Variants in MMS22L observed in about 807,000 individuals in gnomAD.
MMS22L encodes protein MMS22-like.
A neutral mutation model predicts 159.1 loss-of-function variants in MMS22L; 74 were observed. That is an observed-to-expected ratio of 0.47 (90% confidence interval 0.39 to 0.56). The LOEUF (loss-of-function observed/expected upper bound fraction) is 0.56, where lower values mean the gene tolerates loss of function less well. Ranked by LOEUF, MMS22L falls within the 20% of genes least tolerant of loss-of-function variation. The pLI is 0.00. For missense variants in MMS22L, 1,351 were observed against 1,422.1 expected, an observed-to-expected ratio of 0.95 and a Z score of 0.80; for synonymous variants, 517 against 506.9, an observed-to-expected ratio of 1.02 and a Z score of -0.27.
intron 19 of MMS22L, among the ~76,000 whole-genome samples, chr6:97,169,019 T>A (rs868509675): frequency 6.6e-6 from 1 of 152,136 alleles, no homozygotes; most frequent in South Asian, 2.1e-4. Context: ...GCAACAGAAG[T>A]ATAATTAAAT....
chr6:97,229,531 G>A (rs1810630366), intron 13 of MMS22L, 128 bp from the exon 14 acceptor site: 2 of 691,010 alleles, frequency 2.9e-6, no homozygotes, highest in Non-Finnish European at 4.6e-6. Flanking sequence ...TTATTTTGAT[G>A]CTGCCTTGTC....
intron 14 of MMS22L, among the ~76,000 whole-genome samples, chr6:97,192,943 A>G (rs971055622): frequency 2.0e-5 from 3 of 152,186 alleles, no homozygotes; most frequent in African/African-American, 7.2e-5. Flanking sequence ...CAGGATTTGA[A>G]CCCAAACAGT....
At chr6:97,223,776 C>T (rs540513624) in intron 14 of MMS22L, among the ~76,000 whole-genome samples, 9 of 152,156 alleles carry the variant, frequency 5.9e-5, no homozygotes, top group African/African-American at 1.9e-4. Flanking sequence ...CTTGGAAATG[C>T]TAAAAACTGA....
chr6:97,171,233 G>A (rs1222326368), intron 19 of MMS22L, among the ~76,000 whole-genome samples: 1 of 152,040 alleles, frequency 6.6e-6, no homozygotes, highest in Non-Finnish European at 1.5e-5. Flanking sequence ...TCAAGAGATG[G>A]CTACTACAAG....
chr6:97,155,850 G>A lies in MMS22L; in HGVS notation c.3386-3983C>T, dbSNP rs569647760. On this transcript the variant is annotated intron_variant, in intron 22 of 24. Coordinates refer to ENST00000683635, the MANE Select transcript of MMS22L (RefSeq NM_001350599.2). ...TTATAATCCTTTGGGTATATACCCA[G>A]TAATGAGATTGTTGCATCAAATGGT... 2.6e-5 allele frequency among the ~76,000 whole-genome samples: 4 copies of A among 152,308 alleles called. No individual in the cohort carries two copies. In the South Asian group the frequency reaches 6.2e-4, roughly 24 times the overall value.
chr6:97,281,375 T>C lies in MMS22L; in HGVS notation c.165-13A>G. On this transcript the variant is annotated splice_polypyrimidine_tract_variant and intron_variant, in intron 2 of 24. Coordinates refer to ENST00000683635, the MANE Select transcript of MMS22L (RefSeq NM_001350599.2). ...ATTCAAAATCAATCTGAAATGAAAA[T>C]TGTTTCAATCTCATAAAAAGTATAC... 2 of 1,584,050 alleles carry C rather than the reference T, an allele frequency of 1.3e-6. No homozygotes were observed. The highest frequency in any genetic ancestry group is 1.7e-6 in the Non-Finnish European group (2 of 1,165,956).
chr6:97,173,213 C>T lies in MMS22L; in HGVS notation c.2689G>A (p.Val897Ile), dbSNP rs1233521313. The change falls in exon 19 of 25, where the codon GTA (valine) becomes ATA (isoleucine). Residue 897 changes from valine to isoleucine, a missense_variant. Transcript: ENST00000683635. ...AGTGTCTGGACGTTCCCGTAAGTTA[C>T]ACCAACAGCCTATAAATAAAGAAAA... ...ALVRFFEAVG[V>I]TYGNVQTLSD... 2.5e-6 allele frequency: 4 copies of T among 1,611,242 alleles called. No individual in the cohort carries two copies. Among genetic ancestry groups the T allele is most frequent in the Non-Finnish European group, 3.4e-6 (4 of 1,179,292 alleles).
chr6:97,275,344 T>C (rs1453453672), intron 4 of MMS22L, among the ~76,000 whole-genome samples: 1 of 151,638 alleles, frequency 6.6e-6, no homozygotes, highest in African/African-American at 2.4e-5. Flanking sequence ...CTGGCCAACA[T>C]GATGAAACCC....
At chr6:97,150,174 A>G (rs1344072303) in intron 23 of MMS22L, among the ~76,000 whole-genome samples, 154 bp from the exon 24 acceptor site, 4 of 152,172 alleles carry the variant, frequency 2.6e-5, no homozygotes, top group Admixed American at 6.6e-5. Flanking sequence ...TATTTAAAAC[A>G]CTTTAAAATA....
intron 9 of MMS22L, among the ~76,000 whole-genome samples, chr6:97,255,532 T>C (rs1371403493): frequency 6.6e-6 from 1 of 152,132 alleles, no homozygotes; most frequent in Non-Finnish European, 1.5e-5. Flanking sequence ...GGATTTACTA[T>C]GAAGGGCTTA....
intron 9 of MMS22L, chr6:97,261,114 G>C (rs1814430952): frequency 6.6e-6 from 1 of 152,176 alleles, no homozygotes; most frequent in South Asian, 2.1e-4. Context: ...TTTTAAAGCA[G>C]TTTTATAACC....
At chr6:97,230,570 T>C (rs1044751707) in intron 13 of MMS22L, 2 of 152,162 alleles carry the variant, frequency 1.3e-5, no homozygotes, top group African/African-American at 4.8e-5. Context: ...GTGCTTGACA[T>C]ATAGTATGTG....
chr6:97,204,883 C>T (rs1807590719), intron 14 of MMS22L, among the ~76,000 whole-genome samples: 1 of 93,944 alleles, frequency 1.1e-5, no homozygotes, highest in African/African-American at 3.4e-5. Context: ...AGCCAGAGAG[C>T]TGGCAATTTT....
At chr6:97,263,221 T>C in intron 9 of MMS22L, 114 bp downstream of exon 9, 1 of 657,828 alleles carries the variant, frequency 1.5e-6, no homozygotes. Flanking sequence ...CTATTGGTGG[T>C]TATTATTGCC....
chr6:97,146,657 C>T lies in MMS22L; in HGVS notation c.*149G>A, dbSNP rs1800937290. On this transcript the variant is annotated 3_prime_UTR_variant, in exon 25 of 25. Coordinates refer to ENST00000683635, the MANE Select transcript of MMS22L (RefSeq NM_001350599.2). ...ATTAACCTTCAGTTCCTTATTTATA[C>T]ATTTTTTACTTACAGATATAAAAGG... The T allele has an allele frequency of 8.3e-6, 4 of 480,576 alleles. No individual in the cohort carries two copies. The highest frequency in any genetic ancestry group is 8.5e-5 in the South Asian group (2 of 23,436). The allele number at this position is 480,576 out of a possible 1,614,324, so 29.8% of individuals were successfully genotyped here.
chr6:97,214,885 G>C (rs1326923830), intron 14 of MMS22L, among the ~76,000 whole-genome samples: 1 of 150,258 alleles, frequency 6.7e-6, no homozygotes, highest in Non-Finnish European at 1.5e-5. Flanking sequence ...GCACAGTCCT[G>C]TTACTGATGA....
In MMS22L at chr6:97,165,283, T is replaced by C. The variant is rs760435742; in HGVS notation, c.3184A>G (p.Ile1062Val). The C allele has an allele frequency of 2.4e-5, 38 of 1,613,266 alleles. 1 individual carries two copies. In the South Asian group the frequency reaches 4.0e-4, roughly 17 times the overall value. ...ACAATGCATTTCTTTAGAGATGATA[T>C]TGGTGGAATAGTGGCTGTGTTTCTC... ...ALRNTATIPP[I>V]SSLKKCIVQV... Residue 1062 changes from isoleucine (I) to valine (V), a missense_variant, in exon 21 of 25, where the codon ATA becomes GTA. Ile to Val is a conservative substitution (Grantham distance 29). Transcript: ENST00000683635.
chr6:97,209,355 AAT>A (rs1413800887), intron 14 of MMS22L, among the ~76,000 whole-genome samples: 1 of 151,992 alleles, frequency 6.6e-6, no homozygotes, highest in East Asian at 1.9e-4. Flanking sequence ...ACTACTTTTT[AAT>A]ATTCTGTGTG....
At chr6:97,158,409 G>A (rs1185459507) in intron 22 of MMS22L, among the ~76,000 whole-genome samples, 1 of 152,132 alleles carries the variant, frequency 6.6e-6, no homozygotes, top group East Asian at 1.9e-4. Flanking sequence ...ATGTTAGGGT[G>A]TCAATTTTAG....
Sources: gnomAD v4.1 joint callset for allele counts (sites outside exome capture counted in the v4.1 genomes callset) on GRCh38, gnomAD v4.1.1 for gene constraint, MANE v1.5 for transcripts, NCBI Gene and HGNC (gene_info 2026-07-23, HGNC 2026-07-21) for gene names.